Variants in PLEKHG1 observed in about 807,000 individuals in gnomAD.
PLEKHG1 encodes pleckstrin homology domain-containing family G member 1.
In PLEKHG1, 44 loss-of-function variants were observed where a neutral mutation model predicts 100.8. That is an observed-to-expected ratio of 0.44 (90% confidence interval 0.34 to 0.56). The LOEUF is 0.56. Ranked by LOEUF, PLEKHG1 falls within the 20% of genes least tolerant of loss-of-function variation. The pLI is 0.01. For synonymous variants in PLEKHG1, 640 were observed against 662.5 expected, an observed-to-expected ratio of 0.97 and a Z score of 0.52; for missense variants, 1,545 against 1,720.9, an observed-to-expected ratio of 0.90 and a Z score of 1.81.
rs776792874 is a variant in PLEKHG1, at chr6:150,823,632, A to G, written c.1448-22A>G. ...AGGTACATTTTCATTCTCAAACTTG[A>G]AAAAAAACTTTTATTTTTCAGAAAC... On this transcript the variant is annotated intron_variant, in intron 13 of 15. Coordinates refer to ENST00000358517, the Ensembl canonical transcript of PLEKHG1. The G allele has an allele frequency of 4.9e-5, 77 of 1,570,714 alleles. 3 individuals are homozygous for G. The South Asian group carries it at 7.5e-4, about 15-fold the overall frequency.
At chr6:150,662,797 C>G (rs1012559718) in intron 3 of PLEKHG1, 1 of 152,170 alleles carries the variant, frequency 6.6e-6, no homozygotes, top group Non-Finnish European at 1.5e-5. Context: ...CACGGGGGTT[C>G]AAAGCTTTTT....
intron 10 of PLEKHG1, among the ~76,000 whole-genome samples, chr6:150,816,796 A>G (rs1775984595): frequency 6.6e-6 from 1 of 152,054 alleles, no homozygotes; most frequent in Non-Finnish European, 1.5e-5. Flanking sequence ...GTGCAGTCAA[A>G]CCTCTCTGCT....
At position 150,755,132 on chromosome 6, in the gene PLEKHG1, C is replaced by T. The variant is rs115799567; in HGVS notation, c.412-13506C>T. Reference sequence around the variant, plus strand: ...CTGGGACTACAGATACATGGCACCACGCCTGGCTAGTTTTTTAATTTTTTT... The same window carrying T: ...CTGGGACTACAGATACATGGCACCATGCCTGGCTAGTTTTTTAATTTTTTT... On this transcript the variant is annotated intron_variant, in intron 2 of 15. Coordinates refer to ENST00000358517, the Ensembl canonical transcript of PLEKHG1. Among the ~76,000 whole-genome samples, 1,142 of 152,212 alleles carry T rather than the reference C, an allele frequency of 7.5e-3. 11 individuals carry two copies. Among genetic ancestry groups the T allele is most frequent in the African/African-American group, 0.026 (1,079 of 41,518 alleles).
At chr6:150,618,860 C>G (rs1405327186) in intron 1 of PLEKHG1, among the ~76,000 whole-genome samples, 1 of 152,088 alleles carries the variant, frequency 6.6e-6, no homozygotes, top group Non-Finnish European at 1.5e-5. Flanking sequence ...GGGAGGATAG[C>G]TTGAGACCAG....
At chr6:150,734,114 A>T in intron 2 of PLEKHG1, 22 bp downstream of exon 3, 1 of 1,583,466 alleles carries the variant, frequency 6.3e-7, no homozygotes, top group South Asian at 1.2e-5. Context: ...TTCGCTTTTA[A>T]TGTTTGCCAT....
At position 150,819,437 on chromosome 6, in the gene PLEKHG1, C is replaced by T. The variant is rs184845551; in HGVS notation, c.1313-242C>T. ...AAAATTAGTCAGGCATGGTGGCACGCGCCTGTAGTCTCAGCTTCTCGGGAG... is the reference window on the plus strand; with the variant it reads ...AAAATTAGTCAGGCATGGTGGCACGTGCCTGTAGTCTCAGCTTCTCGGGAG... On this transcript the variant is annotated intron_variant, in intron 11 of 15. Coordinates refer to ENST00000358517, the Ensembl canonical transcript of PLEKHG1. 1.5e-4 allele frequency among the ~76,000 whole-genome samples: 23 copies of T among 151,946 alleles called. 1 individual carries two copies. In the South Asian group the frequency reaches 2.9e-3, roughly 19 times the overall value.
chr6:150,834,427 T>A (rs1222202806), intron 15 of PLEKHG1, among the ~76,000 whole-genome samples: 1 of 152,142 alleles, frequency 6.6e-6, no homozygotes, highest in African/African-American at 2.4e-5. Flanking sequence ...TGCTGAAGTT[T>A]TTGATGATGA....
chr6:150,687,190 C>T (rs540512887), intron 3 of PLEKHG1, among the ~76,000 whole-genome samples: 1 of 152,168 alleles, frequency 6.6e-6, no homozygotes. Context: ...CTTCAGTAGT[C>T]ACGTAATACC....
intron 10 of PLEKHG1, among the ~76,000 whole-genome samples, chr6:150,814,227 G>A (rs1410143173): frequency 6.6e-6 from 1 of 152,184 alleles, no homozygotes; most frequent in Non-Finnish European, 1.5e-5. Context: ...CAATGGCAGA[G>A]TATCTTTGAT....
intron 2 of PLEKHG1, among the ~76,000 whole-genome samples, chr6:150,645,179 A>G (rs1238992674): frequency 6.6e-6 from 1 of 152,228 alleles, no homozygotes; most frequent in Non-Finnish European, 1.5e-5. Flanking sequence ...ACATTTATAT[A>G]GAATCCTGAT....
intron 1 of PLEKHG1, among the ~76,000 whole-genome samples, chr6:150,619,361 C>A (rs955192231): frequency 1.2e-4 from 18 of 152,172 alleles, no homozygotes; most frequent in African/African-American, 3.4e-4. Flanking sequence ...TTCTTTCATT[C>A]TCCCTTCTTC....
chr6:150,838,487 A>C (rs1331836645), intron 15 of PLEKHG1, among the ~76,000 whole-genome samples: 1 of 152,210 alleles, frequency 6.6e-6, no homozygotes, highest in Non-Finnish European at 1.5e-5. Context: ...TTCTTCCTCC[A>C]ATGTCTTCTG....
chr6:150,822,999 T>G (rs1268168299), intron 13 of PLEKHG1, among the ~76,000 whole-genome samples: 1 of 151,918 alleles, frequency 6.6e-6, no homozygotes, highest in Non-Finnish European at 1.5e-5. Flanking sequence ...AAAAAATAAA[T>G]AAAAGCAAAA....
chr6:150,750,596 C>T (rs1038218441), intron 2 of PLEKHG1, among the ~76,000 whole-genome samples: 33 of 151,586 alleles, frequency 2.2e-4, no homozygotes, highest in Admixed American at 1.4e-3. Context: ...CCGGCTAAAA[C>T]GGTGAAACCC....
intron 4 of PLEKHG1, 64 bp downstream of exon 5, chr6:150,786,523 A>G (rs1321657775): frequency 9.2e-7 from 1 of 1,084,324 alleles, no homozygotes. Flanking sequence ...TTTTCATTTT[A>G]AAGTTAAAAT....
chr6:150,690,912 T>C (rs1230532089), intron 3 of PLEKHG1, among the ~76,000 whole-genome samples: 2 of 152,236 alleles, frequency 1.3e-5, no homozygotes, highest in Non-Finnish European at 2.9e-5. Flanking sequence ...AACACTGGAA[T>C]GTGGGCTGTG....
intron 1 of PLEKHG1, among the ~76,000 whole-genome samples, chr6:150,631,685 G>A (rs999228498): frequency 2.0e-5 from 3 of 152,142 alleles, no homozygotes; most frequent in African/African-American, 4.8e-5. Flanking sequence ...CAGTGGATTC[G>A]GGGGTTCCCC....
At position 150,840,183 on chromosome 6, in the gene PLEKHG1, G is replaced by A. The variant is rs777927723; in HGVS notation, c.3445G>A (p.Val1149Ile). 38 of 1,614,112 alleles carry A rather than the reference G, an allele frequency of 2.4e-5. No individual in the cohort carries two copies. The highest frequency in any genetic ancestry group is 2.9e-5 in the Non-Finnish European group (34 of 1,180,042). Residue 1149 changes from valine (V) to isoleucine (I), a missense_variant, in exon 16 of 16, where the codon GTA becomes ATA. Transcript: ENST00000358517. ...CTCTGTGCAGAGATGCAGCGTGGTA[G>A]TAAGTCAGCCCAACAAAGAGAACTG... is the stretch of plus-strand genomic sequence containing the variant.
At chr6:150,826,888 C>T (rs1228056900) in intron 14 of PLEKHG1, among the ~76,000 whole-genome samples, 1 of 152,150 alleles carries the variant, frequency 6.6e-6, no homozygotes, top group Non-Finnish European at 1.5e-5. Context: ...ATCCTCCCAC[C>T]TTCACCTCCC....
Sources: allele counts gnomAD v4.1 joint callset (sites outside exome capture counted in the v4.1 genomes callset), GRCh38; gene constraint gnomAD v4.1.1; transcripts MANE v1.5; gene names NCBI Gene and HGNC (gene_info 2026-07-23, HGNC 2026-07-21).